Variants in CSPP1 observed in about 807,000 individuals in gnomAD.
CSPP1 encodes centrosome and spindle pole-associated protein 1.
CSPP1 carries 126 observed loss-of-function variants against 164.4 expected under a neutral mutation model. That is an observed-to-expected ratio of 0.77 (90% CI 0.66 to 0.89). The LOEUF is 0.89. Ranked by LOEUF, CSPP1 falls within the 40% of genes least tolerant of loss-of-function variation. The pLI, the probability that CSPP1 is intolerant of heterozygous loss-of-function variation, is 0.00. For missense variants in CSPP1, 1,395 were observed against 1,449.8 expected, an observed-to-expected ratio of 0.96 and a Z score of 0.61; for synonymous variants, 472 against 476.7, an observed-to-expected ratio of 0.99 and a Z score of 0.13.
chr8:67,123,491 A>G (rs966942123), intron 15 of CSPP1, among the ~76,000 whole-genome samples: 1 of 151,992 alleles, frequency 6.6e-6, no homozygotes, highest in Admixed American at 6.6e-5. Flanking sequence ...AGATGTCTCT[A>G]TGTAGACAGA....
In CSPP1 at chr8:67,064,481, G is replaced by A. The variant is rs2129538437; in HGVS notation, c.-68G>A. On this transcript the variant is annotated 5_prime_UTR_variant, in exon 1 of 31. Transcript: ENST00000678616. ...GAGCACTGTGTGTCTCCCCGGACGC[G>A]AGCCCGCTCCCCTGAGTAAGAGTCA... The A allele has an allele frequency of 2.5e-6, 4 of 1,613,924 alleles. 1 individual carries two copies. The highest frequency in any genetic ancestry group is 1.1e-5 in the South Asian group (1 of 91,074).
intron 3 of CSPP1, among the ~76,000 whole-genome samples, chr8:67,077,170 GTC>G (rs141841739): frequency 1.2e-3 from 171 of 148,048 alleles, no homozygotes; most frequent in Non-Finnish European, 1.2e-3. Flanking sequence ...TAAAGACAGG[GTC>G]TCTCTCTCTC....
chr8:67,107,609 C>T (rs984258432), intron 9 of CSPP1, among the ~76,000 whole-genome samples: 6 of 152,142 alleles, frequency 3.9e-5, no homozygotes, highest in African/African-American at 1.4e-4. Context: ...TATGTTTGTA[C>T]ATACCTATAG....
At chr8:67,159,508 T>C (rs1420634514) in intron 21 of CSPP1, among the ~76,000 whole-genome samples, 1 of 138,224 alleles carries the variant, frequency 7.2e-6, no homozygotes, top group Non-Finnish European at 1.5e-5. Flanking sequence ...ATATATGTAT[T>C]CTTTTTTTTT....
chr8:67,182,654 GTTTT>G (rs1380039832), intron 28 of CSPP1, among the ~76,000 whole-genome samples: 1 of 152,126 alleles, frequency 6.6e-6, no homozygotes, highest in Non-Finnish European at 1.5e-5. Context: ...TTGTTACTTT[GTTTT>G]TTGAATAGTA....
At chr8:67,126,406 T>G (rs1820073289) in intron 15 of CSPP1, among the ~76,000 whole-genome samples, 1 of 152,226 alleles carries the variant, frequency 6.6e-6, no homozygotes, top group South Asian at 2.1e-4. Context: ...GTTTTCTAAG[T>G]ACCCTTTGTA....
At chr8:67,077,115 A>T (rs1808089357) in intron 3 of CSPP1, among the ~76,000 whole-genome samples, 1 of 152,120 alleles carries the variant, frequency 6.6e-6, no homozygotes, top group Admixed American at 6.5e-5. Context: ...TATACATTTT[A>T]AAAAAAGAAA....
In CSPP1 at chr8:67,158,602, T is replaced by G; in HGVS notation, c.2391+6T>G. On this transcript the variant is annotated splice_donor_region_variant and intron_variant, in intron 20 of 30. Transcript: ENST00000678616. Reference sequence around the variant, plus strand: ...AAAGAGAGAAAGAGGAGGAGGTACATCTTTTTTCCCTATTGTATTTTACTA... The same window carrying G: ...AAAGAGAGAAAGAGGAGGAGGTACAGCTTTTTTCCCTATTGTATTTTACTA... The G allele has an allele frequency of 6.4e-7, 1 of 1,574,642 alleles. No individual in the cohort carries two copies. The highest frequency in any genetic ancestry group is 8.6e-7 in the Non-Finnish European group (1 of 1,161,826).
chr8:67,189,265 G>T (rs534497734), intron 28 of CSPP1, among the ~76,000 whole-genome samples: 1 of 152,134 alleles, frequency 6.6e-6, no homozygotes, highest in Non-Finnish European at 1.5e-5. Context: ...ACACTCCTTG[G>T]TATTTGCCTA....
intron 15 of CSPP1, among the ~76,000 whole-genome samples, chr8:67,123,847 A>G (rs1419491536): frequency 6.6e-6 from 1 of 150,940 alleles, no homozygotes; most frequent in Non-Finnish European, 1.5e-5. Context: ...TTCTGGCTCA[A>G]GTGATCCCAG....
rs1332818013 is a variant in CSPP1, at chr8:67,086,115, T to C, written c.303+5T>C. ...TACAGACGTTATCTTACTCAGGTAA[T>C]GAGTTCTATTAATGAGTTGGGTTTA... is the stretch of plus-strand genomic sequence containing the variant. On this transcript the variant is annotated splice_donor_5th_base_variant and intron_variant, in intron 4 of 30. Transcript: ENST00000678616. 5.9e-6 allele frequency: 7 copies of C among 1,189,988 alleles called. No homozygotes were observed. Among genetic ancestry groups the C allele is most frequent in the Non-Finnish European group, 8.8e-6 (7 of 792,736 alleles). The allele number at this position is 1,189,988 out of a possible 1,614,324, so 73.7% of individuals were successfully genotyped here.
intron 30 of CSPP1, among the ~76,000 whole-genome samples, chr8:67,195,015 A>G (rs1837579016): frequency 6.6e-6 from 1 of 152,228 alleles, no homozygotes; most frequent in South Asian, 2.1e-4. Flanking sequence ...TTTTATGTGT[A>G]GCCATTAGGC....
intron 3 of CSPP1, 43 bp downstream of exon 3, chr8:67,076,624 G>GCAC (rs748822329): frequency 9.3e-7 from 1 of 1,072,190 alleles, no homozygotes; most frequent in East Asian, 2.6e-5. Flanking sequence ...GATATCCTTA[G>GCAC]TGGGCTCTTC....
rs1286564144 is a variant in CSPP1 at position 67,116,248 on chromosome 8, A to G, written c.1496+126A>G. The G allele has an allele frequency of 1.4e-5, 9 of 644,168 alleles. 1 individual carries two copies. In the Admixed American group the frequency reaches 2.1e-4, roughly 15 times the overall value. The allele number at this position is 644,168 out of a possible 1,614,324, so 39.9% of individuals were successfully genotyped here. ...TTTTGTACAGTTAACAGTTTTGTGAAATAAATTCTCTTGAAATTTGTTTTT... is the reference window on the plus strand; with the variant it reads ...TTTTGTACAGTTAACAGTTTTGTGAGATAAATTCTCTTGAAATTTGTTTTT... On this transcript the variant is annotated intron_variant, in intron 13 of 30. Coordinates refer to ENST00000678616, the MANE Select transcript of CSPP1 (RefSeq NM_001382391.1).
intron 18 of CSPP1, among the ~76,000 whole-genome samples, chr8:67,150,639 G>C (rs982714183): frequency 1.2e-4 from 18 of 152,162 alleles, no homozygotes; most frequent in African/African-American, 4.3e-4. Context: ...CTGACCTTGT[G>C]ATCCATCCGC....
intron 25 of CSPP1, 82 bp from the exon 26 acceptor site, chr8:67,175,214 C>A: frequency 1.0e-6 from 1 of 981,648 alleles, no homozygotes; most frequent in South Asian, 1.6e-5. Context: ...TTAGGTTACT[C>A]ATGTTACTTA....
At chr8:67,076,921 A>G (rs998667280) in intron 3 of CSPP1, among the ~76,000 whole-genome samples, 11 of 152,218 alleles carry the variant, frequency 7.2e-5, no homozygotes, top group African/African-American at 2.4e-4. Context: ...GAACTTGCTT[A>G]TTTAAAAATT....
At chr8:67,083,944 A>C (rs555462751) in intron 3 of CSPP1, 6 of 152,234 alleles carry the variant, frequency 3.9e-5, no homozygotes, top group Admixed American at 3.9e-4. Context: ...GCACTCATTC[A>C]TATATTCATT....
chr8:67,164,038 A>G (rs993170566), intron 23 of CSPP1, among the ~76,000 whole-genome samples: 4 of 152,152 alleles, frequency 2.6e-5, no homozygotes, highest in African/African-American at 9.7e-5. Context: ...GCATTTATGT[A>G]TGTGTATTTC....
Sources: gnomAD v4.1 joint callset for allele counts (sites outside exome capture counted in the v4.1 genomes callset) on GRCh38, gnomAD v4.1.1 for gene constraint, MANE v1.5 for transcripts, NCBI Gene and HGNC (gene_info 2026-07-23, HGNC 2026-07-21) for gene names.